BMP6: variants seen among roughly 807,000 people sequenced by gnomAD.
BMP6 encodes VG-1-R.
In BMP6, 17 loss-of-function variants were observed where a neutral mutation model predicts 54.1. The observed-to-expected ratio is 0.31, with a 90% CI of 0.22 to 0.47. The LOEUF (loss-of-function observed/expected upper bound fraction) is 0.47, where lower values mean the gene tolerates loss of function less well. Ranked by LOEUF, BMP6 falls within the 20% of genes least tolerant of loss-of-function variation. The pLI, the probability that BMP6 is intolerant of heterozygous loss-of-function variation, is 1.00. For synonymous variants in BMP6, 328 were observed against 291.2 expected (o/e 1.13, Z -1.28); for missense variants, 720 against 690.4 (o/e 1.04, Z -0.48).
At chr6:7,831,970 A>G (rs1468956942) in intron 1 of BMP6, among the ~76,000 whole-genome samples, 1 of 152,174 alleles carries the variant, frequency 6.6e-6, no homozygotes, top group Non-Finnish European at 1.5e-5. Context: ...TAAGCCTTCT[A>G]TGGGATATAT....
At chr6:7,814,997 C>G (rs1462493019) in intron 1 of BMP6, among the ~76,000 whole-genome samples, 1 of 152,124 alleles carries the variant, frequency 6.6e-6, no homozygotes, top group African/African-American at 2.4e-5. Flanking sequence ...TAATAATTTT[C>G]TCTGTTTAGA....
intron 1 of BMP6, among the ~76,000 whole-genome samples, chr6:7,839,735 C>A (rs1758936003): frequency 6.6e-6 from 1 of 152,332 alleles, no homozygotes; most frequent in South Asian, 2.1e-4. Flanking sequence ...TTGCTTCCAG[C>A]TTTTGGCTAT....
intron 1 of BMP6, among the ~76,000 whole-genome samples, chr6:7,759,879 T>G (rs28514879): frequency 0.034 from 5,096 of 151,310 alleles, 118 homozygotes; most frequent in Non-Finnish European, 0.055. Context: ...AATTTTTGTA[T>G]TTTTAGTAGA....
chr6:7,741,670 C>T (rs926970841), intron 1 of BMP6, among the ~76,000 whole-genome samples: 4 of 152,052 alleles, frequency 2.6e-5, no homozygotes, highest in African/African-American at 9.7e-5. Context: ...TGGGCTCAAG[C>T]GATCCTCCTG....
chr6:7,843,573 G>A (rs1156960697), intron 1 of BMP6, among the ~76,000 whole-genome samples: 1 of 151,822 alleles, frequency 6.6e-6, no homozygotes, highest in Non-Finnish European at 1.5e-5. Flanking sequence ...CACAAACCTT[G>A]GGAAAACTCT....
intron 4 of BMP6, among the ~76,000 whole-genome samples, chr6:7,874,928 GATATAT>G (rs58104001): frequency 2.0e-5 from 3 of 151,446 alleles, no homozygotes; most frequent in Non-Finnish European, 4.4e-5. Context: ...GATATATGGA[GATATAT>G]ATATATATAG....
At chr6:7,769,625 C>T (rs1757752184) in intron 1 of BMP6, among the ~76,000 whole-genome samples, 1 of 152,154 alleles carries the variant, frequency 6.6e-6, no homozygotes, top group African/African-American at 2.4e-5. Context: ...TAGGAAAACC[C>T]TTATGATAGT....
Position 7,880,444 on chromosome 6 carries a change from C to T in BMP6, c.*101C>T, listed in dbSNP as rs1759698621. ...CACAGTTGGAGGTGGGACGATGAGA[C>T]TTTGAAACTATCTCATGCCAGTGCC... On this transcript the variant is annotated 3_prime_UTR_variant, in exon 7 of 7. Transcript: ENST00000283147. The T allele has an allele frequency of 2.7e-6, 4 of 1,464,074 alleles. No individual in the cohort carries two copies. The Admixed American group carries it at 7.3e-5, about 27-fold the overall frequency. 90.7% of individuals were successfully genotyped at this position (1,464,074 alleles called of 1,614,324 possible). A position where few individuals can be genotyped will look rare whatever the true frequency, so the allele number is the denominator to read the frequency against.
At chr6:7,836,613 T>A (rs1435613397) in intron 1 of BMP6, among the ~76,000 whole-genome samples, 1 of 152,196 alleles carries the variant, frequency 6.6e-6, no homozygotes, top group Non-Finnish European at 1.5e-5. Context: ...TTCAACTACT[T>A]GTGGGACTTT....
intron 1 of BMP6, among the ~76,000 whole-genome samples, chr6:7,739,435 T>G (rs958844052): frequency 2.6e-5 from 4 of 152,236 alleles, no homozygotes; most frequent in Admixed American, 2.6e-4. Context: ...TGTATTTCTT[T>G]ATGGCCTTTT....
intron 1 of BMP6, among the ~76,000 whole-genome samples, chr6:7,814,395 T>C (rs954541858): frequency 6.6e-6 from 1 of 152,184 alleles, no homozygotes; most frequent in Non-Finnish European, 1.5e-5. Context: ...TCAAAAACTC[T>C]TAGCTTCTCT....
At chr6:7,746,520 T>C (rs1167090278) in intron 1 of BMP6, among the ~76,000 whole-genome samples, 4 of 152,352 alleles carry the variant, frequency 2.6e-5, no homozygotes, top group African/African-American at 9.6e-5. Flanking sequence ...CATTTTTTCT[T>C]TCCTGCAATT....
At chr6:7,807,342 G>A (rs1420147242) in intron 1 of BMP6, among the ~76,000 whole-genome samples, 5 of 152,138 alleles carry the variant, frequency 3.3e-5, no homozygotes, top group Non-Finnish European at 7.3e-5. Flanking sequence ...TGCCCAGGCT[G>A]GAGTGCAGTG....
At chr6:7,795,589 C>T (rs192348646) in intron 1 of BMP6, among the ~76,000 whole-genome samples, 40 of 152,196 alleles carry the variant, frequency 2.6e-4, no homozygotes, top group Middle Eastern at 6.8e-3. Context: ...TAATCAGGAG[C>T]GATGTGACCA....
chr6:7,873,556 A>G (rs750403640), intron 4 of BMP6, among the ~76,000 whole-genome samples: 23 of 152,140 alleles, frequency 1.5e-4, no homozygotes, highest in Non-Finnish European at 5.9e-5. Flanking sequence ...CATTGGTCAC[A>G]TGATTGAACT....
At chr6:7,769,100 T>C (rs1757743515) in intron 1 of BMP6, among the ~76,000 whole-genome samples, 1 of 152,206 alleles carries the variant, frequency 6.6e-6, no homozygotes, top group African/African-American at 2.4e-5. Flanking sequence ...GTTAATATGC[T>C]ACTGCAGGTA....
At chr6:7,847,576 C>A (rs1759085629) in intron 2 of BMP6, among the ~76,000 whole-genome samples, 1 of 152,182 alleles carries the variant, frequency 6.6e-6, no homozygotes, top group African/African-American at 2.4e-5. Context: ...TGGATTAACT[C>A]CATTTAACAA....
intron 2 of BMP6, among the ~76,000 whole-genome samples, chr6:7,857,110 T>G (rs1469666134): frequency 1.3e-5 from 2 of 152,176 alleles, no homozygotes; most frequent in African/African-American, 2.4e-5. Flanking sequence ...GGTGTATCAC[T>G]GATGTGAGCA....
chr6:7,879,791 G>A (rs1236077562), intron 5 of BMP6, among the ~76,000 whole-genome samples, 200 bp from the exon 6 acceptor site: 3 of 152,166 alleles, frequency 2.0e-5, no homozygotes, highest in African/African-American at 7.2e-5. Context: ...CAAGGAGCGA[G>A]GGTTCTGGGG....
Sources: allele counts gnomAD v4.1 joint callset (sites outside exome capture counted in the v4.1 genomes callset), GRCh38; gene constraint gnomAD v4.1.1; transcripts MANE v1.5; gene names NCBI Gene and HGNC (gene_info 2026-07-23, HGNC 2026-07-21).